The following SNX2 variants were observed in gnomAD, a reference collection of about 807,000 sequenced individuals.
SNX2 encodes the protein sorting nexin 2, also known as sorting nexin-2.
In SNX2, 25 loss-of-function variants were observed where a neutral mutation model predicts 69.9. That is an observed-to-expected ratio of 0.36 (90% CI 0.26 to 0.50). The LOEUF (loss-of-function observed/expected upper bound fraction) is 0.50, where lower values mean the gene tolerates loss of function less well. SNX2 is among the 20% of genes least tolerant of loss of function. SNX2 has a pLI of 0.97. For missense variants in SNX2, 551 were observed against 613.3 expected, an observed-to-expected ratio of 0.90 and a Z score of 1.07; for synonymous variants, 229 against 200.4, an observed-to-expected ratio of 1.14 and a Z score of -1.20.
At chr5:122,817,555 CTAGTT>C (rs1342969313) in intron 10 of SNX2, among the ~76,000 whole-genome samples, 182 bp downstream of exon 10, 5 of 151,662 alleles carry the variant, frequency 3.3e-5, no homozygotes, top group Admixed American at 2.6e-4. Context: ...GCTTTACTAT[CTAGTT>C]TAGAAGTAGA....
At chr5:122,779,730 T>A (rs546905286) in intron 1 of SNX2, among the ~76,000 whole-genome samples, 13 of 152,258 alleles carry the variant, frequency 8.5e-5, no homozygotes, top group South Asian at 2.1e-4. Flanking sequence ...GGCACTTTTT[T>A]AAAAAATTAT....
intron 2 of SNX2, among the ~76,000 whole-genome samples, chr5:122,797,013 G>T (rs941219610): frequency 9.2e-5 from 14 of 152,200 alleles, no homozygotes; most frequent in Admixed American, 7.9e-4. Flanking sequence ...CAGCAGCTTT[G>T]AACTCTTGGG....
At chr5:122,828,430 G>C (rs1409373084) in intron 14 of SNX2, among the ~76,000 whole-genome samples, 2 of 151,948 alleles carry the variant, frequency 1.3e-5, no homozygotes, top group Admixed American at 6.6e-5. Flanking sequence ...CATGACTTCA[G>C]TTGATATTTC....
At chr5:122,818,668 A>G (rs1028245209) in intron 10 of SNX2, 150 bp from the exon 11 acceptor site, 1 of 639,140 alleles carries the variant, frequency 1.6e-6, no homozygotes, top group Admixed American at 3.2e-5. Flanking sequence ...GAGGCATTTT[A>G]ACGACTAATT....
chr5:122,798,253 A>G (rs1343269022), intron 2 of SNX2, among the ~76,000 whole-genome samples: 2 of 152,126 alleles, frequency 1.3e-5, no homozygotes, highest in Non-Finnish European at 2.9e-5. Flanking sequence ...TGAATTGCAT[A>G]TAAGCTTTTA....
chr5:122,808,623 A>G, intron 7 of SNX2: 1 of 237,386 alleles, frequency 4.2e-6, no homozygotes, highest in South Asian at 1.1e-4. Context: ...GCAGGAGCAT[A>G]TAATAGAAAA....
chr5:122,789,083 T>C (rs1753153073), intron 1 of SNX2, among the ~76,000 whole-genome samples: 1 of 152,200 alleles, frequency 6.6e-6, no homozygotes, highest in South Asian at 2.1e-4. Context: ...TTTTTTTGTT[T>C]GGTCAGGCAA....
chr5:122,821,676 T>C (rs1044490128), intron 11 of SNX2, among the ~76,000 whole-genome samples: 2 of 152,078 alleles, frequency 1.3e-5, no homozygotes, highest in African/African-American at 4.8e-5. Context: ...AGGATGGTCT[T>C]GATCTCCTGA....
chr5:122,799,493 T>A (rs1903260), intron 2 of SNX2, among the ~76,000 whole-genome samples, 199 bp from the exon 3 acceptor site: 1 of 152,112 alleles, frequency 6.6e-6, no homozygotes, highest in East Asian at 1.9e-4. Context: ...CTTTCTAAAA[T>A]CAACAAAGTT....
At chr5:122,798,229 C>T (rs1412396149) in intron 2 of SNX2, among the ~76,000 whole-genome samples, 1 of 152,070 alleles carries the variant, frequency 6.6e-6, no homozygotes, top group Non-Finnish European at 1.5e-5. Flanking sequence ...TAAATACCAG[C>T]AATCATCACA....
intron 1 of SNX2, among the ~76,000 whole-genome samples, chr5:122,783,103 A>AT (rs200375716): frequency 0.35 from 50,505 of 143,980 alleles, 9,296 homozygotes; most frequent in African/African-American, 0.45. Context: ...TGCCCAGCTA[A>AT]TTTTTTTTTT....
At position 122,799,867 on chromosome 5, in the gene SNX2, T is replaced by C. The variant is rs946143554; in HGVS notation, c.390+12T>C. ...GATCCAGGGAAGAGGTACAGGAAAA[T>C]GTATTCTAAATTAATATGTAAATAT... On this transcript the variant is annotated intron_variant, in intron 3 of 14. Coordinates refer to ENST00000379516, the MANE Select transcript of SNX2 (RefSeq NM_003100.4). 1 of 1,597,288 alleles carries C rather than the reference T, an allele frequency of 6.3e-7. No individual in the cohort carries two copies. Among genetic ancestry groups the C allele is most frequent in the Admixed American group, 1.7e-5 (1 of 58,738 alleles).
intron 11 of SNX2, among the ~76,000 whole-genome samples, chr5:122,825,603 C>A (rs1418888578): frequency 6.6e-6 from 1 of 151,976 alleles, no homozygotes; most frequent in Non-Finnish European, 1.5e-5. Flanking sequence ...TCTTCTACCA[C>A]ATATCTTATG....
Position 122,775,132 on chromosome 5 carries a change from T to A in SNX2, c.29T>A (p.Leu10Gln). ...GCGGCCGAGAGGGAACCTCCTCCGCTGGGGGACGGGAAGCCCACCGACTTT... is the reference window on the plus strand; with the variant it reads ...GCGGCCGAGAGGGAACCTCCTCCGCAGGGGGACGGGAAGCCCACCGACTTT... MAAEREPPPLGDGKPTDFED... is the reference protein window; with the variant it reads MAAEREPPPQGDGKPTDFED... Residue 10 changes from leucine to glutamine, a missense_variant, in exon 1 of 15, where the codon CTG (leucine) becomes CAG (glutamine). By Grantham distance (113) the Leu-to-Gln change is moderately radical. Coordinates refer to ENST00000379516, the MANE Select transcript of SNX2 (RefSeq NM_003100.4). 1 of 1,594,952 alleles carries A rather than the reference T, an allele frequency of 6.3e-7. No individual in the cohort carries two copies. Among genetic ancestry groups the A allele is most frequent in the Non-Finnish European group, 8.5e-7 (1 of 1,172,546 alleles).
chr5:122,807,628 TA>T (rs1463095688), intron 6 of SNX2, among the ~76,000 whole-genome samples: 1 of 152,154 alleles, frequency 6.6e-6, no homozygotes, highest in Non-Finnish European at 1.5e-5. Context: ...AACAGGAGAA[TA>T]AAAGAGAAAA....
chr5:122,789,699 A>G (rs1753184238), intron 1 of SNX2, among the ~76,000 whole-genome samples: 3 of 152,220 alleles, frequency 2.0e-5, no homozygotes, highest in Non-Finnish European at 4.4e-5. Flanking sequence ...TCATCTGGCC[A>G]TAAAGATGAG....
chr5:122,786,522 TA>T (rs1483038737), intron 1 of SNX2, among the ~76,000 whole-genome samples: 5 of 152,150 alleles, frequency 3.3e-5, no homozygotes, highest in Non-Finnish European at 5.9e-5. Flanking sequence ...CTCTGCAGCT[TA>T]AAATATACAT....
intron 11 of SNX2, among the ~76,000 whole-genome samples, chr5:122,824,443 G>A (rs976943425): frequency 3.3e-5 from 5 of 152,072 alleles, no homozygotes; most frequent in African/African-American, 9.7e-5. Flanking sequence ...TAGGAAAAAC[G>A]TGGTATTTTA....
intron 1 of SNX2, 67 bp from the exon 2 acceptor site, chr5:122,795,199 A>G: frequency 3.1e-6 from 3 of 974,690 alleles, no homozygotes; most frequent in Admixed American, 1.8e-5. Flanking sequence ...TTTCTGTAGT[A>G]CATGGTGACA....
Sources: allele counts gnomAD v4.1 joint callset (sites outside exome capture counted in the v4.1 genomes callset), GRCh38; gene constraint gnomAD v4.1.1; transcripts MANE v1.5; gene names NCBI Gene and HGNC (gene_info 2026-07-23, HGNC 2026-07-21).